Variants in EPHA6 observed in about 807,000 individuals in gnomAD.
EPHA6 encodes ephrin type-A receptor 6.
In EPHA6, 50 loss-of-function variants were observed where a neutral mutation model predicts 112.0. That is an observed-to-expected ratio of 0.45 (90% confidence interval 0.36 to 0.56). The LOEUF (loss-of-function observed/expected upper bound fraction) is 0.56. EPHA6 is among the 20% of genes least tolerant of loss of function. The pLI is 0.00. For synonymous variants in EPHA6, 529 were observed against 490.7 expected (o/e 1.08, Z -1.03); for missense variants, 1,280 against 1,417.4 (o/e 0.90, Z 1.56).
intron 3 of EPHA6, among the ~76,000 whole-genome samples, chr3:97,091,287 A>T (rs2047058041): frequency 6.6e-6 from 1 of 152,116 alleles, no homozygotes; most frequent in Admixed American, 6.6e-5. Context: ...CTCAAAAGGG[A>T]TCCCCGCAAA....
chr3:97,521,691 A>G (rs1359958172), intron 10 of EPHA6, among the ~76,000 whole-genome samples: 1 of 152,162 alleles, frequency 6.6e-6, no homozygotes, highest in Non-Finnish European at 1.5e-5. Context: ...TTGGATGGGG[A>G]CATAGCAAAC....
intron 2 of EPHA6, among the ~76,000 whole-genome samples, chr3:96,878,168 A>C (rs1169635285): frequency 6.6e-6 from 1 of 152,028 alleles, no homozygotes; most frequent in East Asian, 1.9e-4. Flanking sequence ...ATAAATATGT[A>C]CAGCCACCAT....
At chr3:97,021,613 G>T (rs375872747) in intron 3 of EPHA6, among the ~76,000 whole-genome samples, 2 of 152,228 alleles carry the variant, frequency 1.3e-5, no homozygotes, top group Non-Finnish European at 2.9e-5. Flanking sequence ...TGGTGGGGAT[G>T]CTCTTCCTTA....
At chr3:97,123,909 CAG>C (rs373822731) in intron 3 of EPHA6, among the ~76,000 whole-genome samples, 273 of 147,084 alleles carry the variant, frequency 1.9e-3, no homozygotes, top group Non-Finnish European at 1.8e-3. Flanking sequence ...GAGGGAGAGA[CAG>C]AGAGAGAGAG....
chr3:97,713,013 T>C (rs995139540), intron 14 of EPHA6, among the ~76,000 whole-genome samples: 6 of 152,108 alleles, frequency 3.9e-5, no homozygotes, highest in African/African-American at 1.4e-4. Context: ...AAAAATACAC[T>C]GTAAAACAAA....
rs555407098 is a variant in EPHA6 at position 97,748,975 on chromosome 3, A to G, written c.*274A>G. Reference sequence around the variant, plus strand: ...ACTCAGCATGGATGTGTAATTTTGTATAAGCCGTATATGGGAAGTGTTCAC... The same window carrying G: ...ACTCAGCATGGATGTGTAATTTTGTGTAAGCCGTATATGGGAAGTGTTCAC... On this transcript the variant is annotated 3_prime_UTR_variant, in exon 18 of 18. Transcript: ENST00000389672. 15 of 413,044 alleles carry G rather than the reference A, an allele frequency of 3.6e-5. No homozygotes were observed. Among genetic ancestry groups the G allele is most frequent in the Middle Eastern group, 6.5e-4 (1 of 1,528 alleles). 25.6% of individuals were successfully genotyped at this position (413,044 alleles called of 1,614,324 possible).
intron 1 of EPHA6, among the ~76,000 whole-genome samples, chr3:96,850,356 T>G (rs1341171264): frequency 6.6e-6 from 1 of 151,974 alleles, no homozygotes; most frequent in East Asian, 1.9e-4. Context: ...GGGTCGGAGG[T>G]ACATATTTCA....
chr3:97,295,170 A>G lies in EPHA6; in HGVS notation c.1606+50883A>G, dbSNP rs527668031. 3.9e-5 allele frequency among the ~76,000 whole-genome samples: 6 copies of G among 152,248 alleles called. No homozygotes were observed. The East Asian group carries it at 5.8e-4, about 15-fold the overall frequency. ...TGTTATTTCACTAAATTGGTTTTCT[A>G]TGACTTTGGTCTCCTCCTTACCTTC... is the stretch of plus-strand genomic sequence containing the variant. On this transcript the variant is annotated intron_variant, in intron 5 of 17. Coordinates refer to ENST00000389672, the MANE Select transcript of EPHA6 (RefSeq NM_001080448.3).
At chr3:97,319,341 T>C (rs1331091674) in intron 5 of EPHA6, among the ~76,000 whole-genome samples, 3 of 151,722 alleles carry the variant, frequency 2.0e-5, no homozygotes, top group African/African-American at 7.3e-5. Context: ...AAATGTGGAA[T>C]CAAAAATTGT....
chr3:96,956,682 A>G (rs979607764), intron 2 of EPHA6, among the ~76,000 whole-genome samples: 16 of 152,154 alleles, frequency 1.1e-4, no homozygotes, highest in Non-Finnish European at 2.1e-4. Flanking sequence ...AAATTTAATA[A>G]AAAGAGAAAA....
At chr3:97,712,598 A>G (rs1028208739) in intron 14 of EPHA6, among the ~76,000 whole-genome samples, 10 of 152,230 alleles carry the variant, frequency 6.6e-5, no homozygotes, top group Non-Finnish European at 1.2e-4. Context: ...AGGATGAAAT[A>G]GAAAATCCAC....
chr3:97,674,559 A>G (rs1033113834), intron 14 of EPHA6, among the ~76,000 whole-genome samples: 26 of 152,170 alleles, frequency 1.7e-4, no homozygotes, highest in African/African-American at 6.3e-4. Context: ...GGTTTCTGCC[A>G]GTGTTGTAGC....
chr3:97,504,896 T>C (rs1354896376), intron 10 of EPHA6, among the ~76,000 whole-genome samples: 1 of 152,226 alleles, frequency 6.6e-6, no homozygotes, highest in African/African-American at 2.4e-5. Context: ...GTATAAGTTA[T>C]CTGAACAAAT....
chr3:97,409,791 G>A (rs1172949000), intron 6 of EPHA6, among the ~76,000 whole-genome samples: 1 of 151,916 alleles, frequency 6.6e-6, no homozygotes, highest in Non-Finnish European at 1.5e-5. Flanking sequence ...TCTCAAAGTG[G>A]TCTTGTTAAT....
intron 5 of EPHA6, among the ~76,000 whole-genome samples, chr3:97,369,640 C>T (rs1025661718): frequency 8.5e-5 from 13 of 152,178 alleles, no homozygotes; most frequent in South Asian, 2.1e-4. Flanking sequence ...TCCTTGCTCA[C>T]GGGACTTCCC....
chr3:97,262,457 A>G (rs893852030), intron 5 of EPHA6, among the ~76,000 whole-genome samples: 7 of 152,202 alleles, frequency 4.6e-5, no homozygotes, highest in Non-Finnish European at 8.8e-5. Flanking sequence ...ATCAAGGAAG[A>G]CTTCAAATTT....
intron 5 of EPHA6, among the ~76,000 whole-genome samples, chr3:97,310,565 AG>A (rs2081511258): frequency 1.3e-5 from 2 of 150,084 alleles, no homozygotes; most frequent in Admixed American, 1.3e-4. Flanking sequence ...CAAAAAAAAA[AG>A]AGTCTGGTCA....
intron 11 of EPHA6, among the ~76,000 whole-genome samples, chr3:97,538,062 CTTTTG>C: frequency 6.6e-6 from 1 of 152,206 alleles, no homozygotes; most frequent in South Asian, 2.1e-4. Context: ...TAGTTACATA[CTTTTG>C]TTTTAAGAAA....
chr3:97,367,172 A>G (rs555809412), intron 5 of EPHA6, among the ~76,000 whole-genome samples: 1 of 152,350 alleles, frequency 6.6e-6, no homozygotes, highest in Admixed American at 6.5e-5. Context: ...AAAATAAAAT[A>G]GCTTTGAAAT....
Sources: gnomAD v4.1 joint callset for allele counts (sites outside exome capture counted in the v4.1 genomes callset) on GRCh38, gnomAD v4.1.1 for gene constraint, MANE v1.5 for transcripts, NCBI Gene and HGNC (gene_info 2026-07-23, HGNC 2026-07-21) for gene names.